Variants in SHISA9 observed in about 807,000 individuals in gnomAD.
SHISA9 encodes the protein protein shisa-9.
Under a neutral mutation model 38.0 loss-of-function variants are expected in SHISA9, and 13 were observed. The ratio of observed to expected loss-of-function variants is 0.34; its 90% CI spans 0.22 to 0.54. SHISA9 has a LOEUF of 0.54. Among genes scored for constraint, SHISA9 ranks in the 20% least tolerant of loss-of-function variants. The probability of loss-of-function intolerance (pLI) is 0.91; values close to 1 mark genes in which losing one functional copy is unlikely to be tolerated. For missense variants in SHISA9, 538 were observed against 575.8 expected, an observed-to-expected ratio of 0.93 and a Z score of 0.67; for synonymous variants, 275 against 242.0, an observed-to-expected ratio of 1.14 and a Z score of -1.27.
At chr16:13,412,327 G>A in the SHISA9 span, among the ~76,000 whole-genome samples, 8 of 152,144 alleles carry the variant, frequency 5.3e-5, no homozygotes, top group Admixed American at 3.3e-4. Flanking sequence ...TGATTTCCCC[G>A]ATGAAAATAG....
intron 2 of SHISA9, among the ~76,000 whole-genome samples, chr16:12,956,800 C>T (rs1345879505): frequency 1.3e-5 from 2 of 152,006 alleles, no homozygotes; most frequent in African/African-American, 4.8e-5. Context: ...GTGATGGGTA[C>T]ACTAGAAGCC....
At chr16:13,005,215 C>T (rs1379777953) in intron 2 of SHISA9, among the ~76,000 whole-genome samples, 1 of 152,012 alleles carries the variant, frequency 6.6e-6, no homozygotes, top group East Asian at 1.9e-4. Flanking sequence ...GGGAGACATC[C>T]AAACAGAGAA....
chr16:13,347,719 C>G, the SHISA9 span, among the ~76,000 whole-genome samples: 1 of 152,134 alleles, frequency 6.6e-6, no homozygotes, highest in Non-Finnish European at 1.5e-5. Flanking sequence ...AGTGTTGTGT[C>G]TGGCCTGTCT....
chr16:13,036,218 C>T (rs6498373), intron 2 of SHISA9, among the ~76,000 whole-genome samples: 2 of 152,058 alleles, frequency 1.3e-5, no homozygotes, highest in African/African-American at 2.4e-5. Context: ...TTTGTAATAG[C>T]TCCAAGCTAA....
the SHISA9 span, among the ~76,000 whole-genome samples, chr16:13,305,550 G>C: frequency 6.6e-6 from 1 of 152,182 alleles, no homozygotes; most frequent in Non-Finnish European, 1.5e-5. Flanking sequence ...CTGGAATCCA[G>C]TTGCACTGTT....
intron 2 of SHISA9, among the ~76,000 whole-genome samples, chr16:13,078,312 A>C (rs2073607540): frequency 6.6e-6 from 1 of 152,258 alleles, no homozygotes; most frequent in Admixed American, 6.5e-5. Context: ...TAGGTTACTT[A>C]TAATGACTAA....
the SHISA9 span, among the ~76,000 whole-genome samples, chr16:13,345,921 G>T: frequency 1.3e-5 from 2 of 151,674 alleles, no homozygotes; most frequent in South Asian, 4.2e-4. Flanking sequence ...TTTCATTCAG[G>T]TCCTTCGCCC....
the SHISA9 span, among the ~76,000 whole-genome samples, chr16:13,412,481 C>A: frequency 6.6e-6 from 1 of 152,084 alleles, no homozygotes; most frequent in Admixed American, 6.5e-5. Context: ...TCCCCTCCTT[C>A]TCTCACTTTC....
the SHISA9 span, among the ~76,000 whole-genome samples, chr16:13,410,290 A>G: frequency 6.6e-6 from 1 of 152,228 alleles, no homozygotes; most frequent in Admixed American, 6.5e-5. Context: ...GAGGACATCA[A>G]AGTGACATCT....
the SHISA9 span, among the ~76,000 whole-genome samples, chr16:13,294,543 G>A: frequency 6.6e-6 from 1 of 152,192 alleles, no homozygotes; most frequent in African/African-American, 2.4e-5. Flanking sequence ...TTCATTCCAT[G>A]ACCCAAATCA....
the SHISA9 span, among the ~76,000 whole-genome samples, chr16:13,489,246 C>T: frequency 6.6e-6 from 1 of 152,100 alleles, no homozygotes; most frequent in African/African-American, 2.4e-5. Flanking sequence ...AGCAGGGTCT[C>T]ACCATGTTGG....
chr16:13,460,132 T>C, the SHISA9 span, among the ~76,000 whole-genome samples: 7 of 152,192 alleles, frequency 4.6e-5, no homozygotes, highest in East Asian at 3.9e-4. Flanking sequence ...GGACAGTGAT[T>C]GAGTGTCTAC....
Position 13,073,938 on chromosome 16 carries a change from G to C in SHISA9, c.692-129456G>C, listed in dbSNP as rs555799767. On this transcript the variant is annotated intron_variant, in intron 2 of 4. Transcript: ENST00000558583. ...AGACTTCTGGCCTCTAGAACCGTGA[G>C]AATAAATTTCTGCTGGTCGTTTTTT... Among the ~76,000 whole-genome samples the C allele has an allele frequency of 6.7e-5, 10 of 150,370 alleles. No homozygotes were observed. The East Asian group carries it at 2.0e-3, about 30-fold the overall frequency.
chr16:13,381,823 C>T, the SHISA9 span, among the ~76,000 whole-genome samples: 1 of 151,980 alleles, frequency 6.6e-6, no homozygotes, highest in Non-Finnish European at 1.5e-5. Context: ...TGGGAGGTTG[C>T]TTTTTGTCAG....
intron 2 of SHISA9, among the ~76,000 whole-genome samples, chr16:13,139,832 A>T (rs932874460): frequency 1.3e-5 from 2 of 152,056 alleles, no homozygotes; most frequent in Middle Eastern, 3.2e-3. Flanking sequence ...TAAAACTGTC[A>T]CCTTGGAACC....
chr16:12,938,936 T>G (rs1172989961), intron 2 of SHISA9, among the ~76,000 whole-genome samples: 1 of 152,202 alleles, frequency 6.6e-6, no homozygotes, highest in Non-Finnish European at 1.5e-5. Context: ...CTCCCTCCCA[T>G]GTTGAGTATG....
intron 2 of SHISA9, among the ~76,000 whole-genome samples, chr16:13,148,680 C>G (rs1183143836): frequency 3.7e-5 from 4 of 106,766 alleles, no homozygotes; most frequent in African/African-American, 1.6e-4. Flanking sequence ...TTCTCTCACA[C>G]ATACACAAGC....
the SHISA9 span, among the ~76,000 whole-genome samples, chr16:13,527,523 C>G: frequency 6.6e-6 from 1 of 152,142 alleles, no homozygotes; most frequent in African/African-American, 2.4e-5. Context: ...TGTGACTAGT[C>G]TAGTTAAATA....
chr16:12,906,850 A>T lies in SHISA9; in HGVS notation c.563+4223A>T, dbSNP rs868650204. 5.9e-5 allele frequency among the ~76,000 whole-genome samples: 9 copies of T among 152,228 alleles called. No individual in the cohort carries two copies. In the South Asian group the frequency reaches 8.3e-4, roughly 14 times the overall value. On this transcript the variant is annotated intron_variant, in intron 1 of 4. Transcript: ENST00000558583. The stretch of plus-strand genomic sequence containing the variant: ...CGGCGTCTCTGGTCTCTGCCCACTG[A>T]TGCTGGTAGCACACACTCCACACCC...
Sources: allele counts gnomAD v4.1 joint callset (sites outside exome capture counted in the v4.1 genomes callset), GRCh38; gene constraint gnomAD v4.1.1; transcripts MANE v1.5; gene names NCBI Gene and HGNC (gene_info 2026-07-23, HGNC 2026-07-21).